Variants in PDE8B observed in about 807,000 individuals in gnomAD.
The protein encoded by PDE8B is phosphodiesterase 8B, also known as high affinity cAMP-specific and IBMX-insensitive 3',5'-cyclic phosphodiesterase 8B.
PDE8B carries 26 observed loss-of-function variants against 101.3 expected under a neutral mutation model. The ratio of observed to expected loss-of-function variants is 0.26; its 90% confidence interval spans 0.19 to 0.36. The LOEUF is 0.36. Ranked by LOEUF, PDE8B falls within the 10% of genes least tolerant of loss-of-function variation. The probability of loss-of-function intolerance (pLI) is 1.00; values close to 1 mark genes in which losing one functional copy is unlikely to be tolerated. For synonymous variants in PDE8B, 424 were observed against 429.3 expected (o/e 0.99, Z 0.15); for missense variants, 810 against 1,163.1 (o/e 0.70, Z 4.42).
At position 77,210,947 on chromosome 5, in the gene PDE8B, C is replaced by A. The variant is rs1381276504; in HGVS notation, c.22C>A (p.His8Asn). MGCAPSI[H>N]VSQSGVIYCR... is the part of the protein sequence containing the mutation. ...AGGGATGGGCTGCGCCCCCAGCATCCATGTCTCGCAGAGCGGCGTGATCTA... is the reference window on the plus strand; with the variant it reads ...AGGGATGGGCTGCGCCCCCAGCATCAATGTCTCGCAGAGCGGCGTGATCTA... Residue 8 changes from histidine (H) to asparagine (N), a missense_variant, in exon 1 of 22, where the codon CAT becomes AAT. This residue lies in a region of PDE8B where 159 missense variants were observed against 146.6 expected (regional missense o/e 1.08). Transcript: ENST00000264917. The surrounding 1 kb of genome is among the most constrained non-coding windows in gnomAD (Gnocchi z 4.9). 1.3e-6 allele frequency: 2 copies of A among 1,512,838 alleles called. No homozygotes were observed. Among genetic ancestry groups the A allele is most frequent in the Non-Finnish European group, 1.8e-6 (2 of 1,139,246 alleles). The allele number at this position is 1,512,838 out of a possible 1,614,324, so 93.7% of individuals were successfully genotyped here.
chr5:77,259,082 C>CCG (rs1561428962), intron 1 of PDE8B, among the ~76,000 whole-genome samples: 1 of 87,408 alleles, frequency 1.1e-5, no homozygotes, highest in South Asian at 5.9e-4. Context: ...CCGCCCCCCC[C>CCG]CCACACACAC....
intron 13 of PDE8B, among the ~76,000 whole-genome samples, chr5:77,408,435 A>T (rs1163251043): frequency 6.6e-6 from 1 of 152,190 alleles, no homozygotes; most frequent in East Asian, 1.9e-4. Context: ...ACTGCAGTTT[A>T]GTGTTAGACC....
chr5:77,350,270 T>C (rs1193668266), intron 8 of PDE8B, among the ~76,000 whole-genome samples: 1 of 152,196 alleles, frequency 6.6e-6, no homozygotes, highest in Non-Finnish European at 1.5e-5. Context: ...AGGGATAAGA[T>C]AAATTTGGAT....
At position 77,267,816 on chromosome 5, in the gene PDE8B, T is replaced by C. The variant is rs371261182; in HGVS notation, c.340-44178T>C. 5.9e-5 allele frequency among the ~76,000 whole-genome samples: 9 copies of C among 152,348 alleles called. No homozygotes were observed. In the East Asian group the frequency reaches 1.7e-3, roughly 29 times the overall value. ...ATGCGAAGTGATTACAAGAGATTGC[T>C]TACAAGAGCAGTTAGAATAAAGAGT... On this transcript the variant is annotated intron_variant, in intron 1 of 21. Transcript: ENST00000264917.
chr5:77,118,687 A>T, the PDE8B span: 2 of 276,152 alleles, frequency 7.2e-6, no homozygotes. Flanking sequence ...AGGATATAAA[A>T]ATGTATCTGC....
In PDE8B at chr5:77,426,485, C is replaced by G; in HGVS notation, c.2589C>G (p.Asp863Glu). The G allele has an allele frequency of 6.2e-7, 1 of 1,613,672 alleles. No homozygotes were observed. Among genetic ancestry groups the G allele is most frequent in the Non-Finnish European group, 8.5e-7 (1 of 1,179,650 alleles). ...CAGCCCTGATGCAACATTTGGCTGA[C>G]AACTACAAACACTGGAAGACACTAG... is the stretch of plus-strand genomic sequence containing the variant. ...HLPALMQHLADNYKHWKTLDD... is the reference protein window; with the variant it reads ...HLPALMQHLAENYKHWKTLDD... The change falls in exon 22 of 22, where the codon GAC becomes GAG. Residue 863 changes from aspartate (D) to glutamate (E), a missense_variant. Around this residue, in one of 4 missense-constraint regions of PDE8B, gnomAD observed 325 missense variants for 560.9 expected, o/e 0.58. Coordinates refer to ENST00000264917, the MANE Select transcript of PDE8B (RefSeq NM_003719.5).
chr5:77,414,514 A>G (rs1795138391), intron 17 of PDE8B, among the ~76,000 whole-genome samples: 1 of 151,844 alleles, frequency 6.6e-6, no homozygotes, highest in African/African-American at 2.4e-5. Flanking sequence ...TCCACCTCCC[A>G]GGTTCCAACA....
chr5:77,380,872 G>A (rs965617018), intron 10 of PDE8B, among the ~76,000 whole-genome samples: 2 of 152,226 alleles, frequency 1.3e-5, no homozygotes, highest in African/African-American at 2.4e-5. Context: ...ATCCGGGAAG[G>A]GTTCCCTTGG....
the PDE8B span, among the ~76,000 whole-genome samples, chr5:77,103,013 T>A: frequency 6.6e-6 from 1 of 152,210 alleles, no homozygotes; most frequent in Non-Finnish European, 1.5e-5. Context: ...CTCACTGAAC[T>A]GCATGCCCTG....
the PDE8B span, among the ~76,000 whole-genome samples, chr5:77,197,958 T>C: frequency 6.6e-6 from 1 of 152,202 alleles, no homozygotes; most frequent in Non-Finnish European, 1.5e-5. Context: ...CTGTCATTTC[T>C]GTTTCTATTG....
At chr5:77,240,432 C>T (rs1356100982) in intron 1 of PDE8B, among the ~76,000 whole-genome samples, 1 of 152,178 alleles carries the variant, frequency 6.6e-6, no homozygotes, top group African/African-American at 2.4e-5. Flanking sequence ...GGATTACAGG[C>T]GTGAGCCACC....
chr5:77,110,009 C>T, the PDE8B span, among the ~76,000 whole-genome samples: 1 of 120,452 alleles, frequency 8.3e-6, no homozygotes, highest in Admixed American at 1.1e-4. Flanking sequence ...GTGATCTTGA[C>T]TCATTGCAAC....
At chr5:77,326,765 A>C (rs1159607054) in intron 3 of PDE8B, among the ~76,000 whole-genome samples, 4 of 152,180 alleles carry the variant, frequency 2.6e-5, no homozygotes, top group African/African-American at 4.8e-5. Context: ...TGGGTCTTGT[A>C]AAACTAAGTA....
At chr5:77,224,260 G>A (rs1410227423) in intron 1 of PDE8B, among the ~76,000 whole-genome samples, 1 of 152,090 alleles carries the variant, frequency 6.6e-6, no homozygotes, top group African/African-American at 2.4e-5. Flanking sequence ...ATGTACCATT[G>A]CTAGCTTTGA....
intron 1 of PDE8B, among the ~76,000 whole-genome samples, chr5:77,233,699 T>TGTGTGTGTGC (rs979930633): frequency 5.2e-4 from 77 of 146,996 alleles, no homozygotes; most frequent in African/African-American, 1.8e-3. Context: ...TGTGTGTGTG[T>TGTGTGTGTGC]GCAGTAGACT....
At chr5:77,337,964 T>G (rs1778498560) in intron 6 of PDE8B, among the ~76,000 whole-genome samples, 1 of 152,204 alleles carries the variant, frequency 6.6e-6, no homozygotes, top group Admixed American at 6.5e-5. Context: ...AGCTCCTGCC[T>G]GGTTTTGCTC....
intron 10 of PDE8B, among the ~76,000 whole-genome samples, chr5:77,378,009 T>TATACACAC (rs1554093058): frequency 7.4e-6 from 1 of 134,392 alleles, no homozygotes; most frequent in African/African-American, 3.0e-5. Flanking sequence ...CCTCTCTCTC[T>TATACACAC]ACACACACAC....
At chr5:77,304,240 G>A (rs1444455763) in intron 1 of PDE8B, among the ~76,000 whole-genome samples, 1 of 152,066 alleles carries the variant, frequency 6.6e-6, no homozygotes, top group Non-Finnish European at 1.5e-5. Context: ...AAAAATAGTT[G>A]GATGTAAGAT....
At chr5:77,405,161 T>C (rs1196439576) in intron 12 of PDE8B, among the ~76,000 whole-genome samples, 1 of 152,214 alleles carries the variant, frequency 6.6e-6, no homozygotes, top group African/African-American at 2.4e-5. Context: ...AAACCTAGTT[T>C]TCAGTGTACC....
Sources: allele counts gnomAD v4.1 joint callset (sites outside exome capture counted in the v4.1 genomes callset), GRCh38; gene constraint gnomAD v4.1.1; regional missense constraint gnomAD v4.1.1; non-coding constraint Gnocchi (gnomAD v3.1); transcripts MANE v1.5; gene names NCBI Gene and HGNC (gene_info 2026-07-23, HGNC 2026-07-21).